KCNMA1: variants seen among roughly 807,000 people sequenced by gnomAD.
The protein encoded by KCNMA1 is potassium calcium-activated channel subfamily M alpha 1.
A neutral mutation model predicts 140.0 loss-of-function variants in KCNMA1; 29 were observed. The ratio of observed to expected loss-of-function variants is 0.21; its 90% CI spans 0.15 to 0.28. The LOEUF is 0.28. KCNMA1 is among the 10% of genes least tolerant of loss of function. The pLI, the probability that KCNMA1 is intolerant of heterozygous loss-of-function variation, is 1.00. For synonymous variants in KCNMA1, 612 were observed against 611.9 expected, an observed-to-expected ratio of 1.00 and a Z score of 0.00; for missense variants, 880 against 1,602.2, an observed-to-expected ratio of 0.55 and a Z score of 7.70.
chr10:77,082,176 A>C (rs573978103), intron 12 of KCNMA1, among the ~76,000 whole-genome samples: 2 of 151,366 alleles, frequency 1.3e-5, no homozygotes, highest in Non-Finnish European at 2.9e-5. Context: ...TTACAGGCAC[A>C]CACCACCACA....
intron 1 of KCNMA1, among the ~76,000 whole-genome samples, chr10:77,461,741 A>G (rs2097872478): frequency 6.6e-6 from 1 of 152,156 alleles, no homozygotes; most frequent in South Asian, 2.1e-4. Context: ...GCATGGGCCC[A>G]GGCACGCTCC....
chr10:76,918,611 T>G (rs1243832392), intron 23 of KCNMA1, among the ~76,000 whole-genome samples: 1 of 152,096 alleles, frequency 6.6e-6, no homozygotes, highest in Non-Finnish European at 1.5e-5. Flanking sequence ...ATGGATGCGG[T>G]GAACAGAGAA....
chr10:77,274,386 T>C (rs1401724248), intron 2 of KCNMA1, among the ~76,000 whole-genome samples: 1 of 152,174 alleles, frequency 6.6e-6, no homozygotes, highest in Admixed American at 6.5e-5. Flanking sequence ...CCTACAGACA[T>C]GTTTATTTAA....
At chr10:77,591,739 T>C (rs2079233576) in intron 1 of KCNMA1, among the ~76,000 whole-genome samples, 1 of 152,222 alleles carries the variant, frequency 6.6e-6, no homozygotes, top group South Asian at 2.1e-4. Context: ...TTTCAGAGCC[T>C]GGATCGCACA....
chr10:77,349,472 A>T (rs1213505945), intron 2 of KCNMA1, among the ~76,000 whole-genome samples: 1 of 152,194 alleles, frequency 6.6e-6, no homozygotes, highest in Non-Finnish European at 1.5e-5. Flanking sequence ...GGGCAAAAGG[A>T]TAATATTACT....
chr10:77,224,048 A>G (rs1178849445), intron 3 of KCNMA1, among the ~76,000 whole-genome samples: 1 of 152,196 alleles, frequency 6.6e-6, no homozygotes, highest in Non-Finnish European at 1.5e-5. Flanking sequence ...GGTGCTGCCC[A>G]TGAGTCAGCC....
chr10:76,999,384 A>C (rs996948170), intron 19 of KCNMA1, among the ~76,000 whole-genome samples: 1 of 152,182 alleles, frequency 6.6e-6, no homozygotes, highest in African/African-American at 2.4e-5. Context: ...GTCTAGGCTA[A>C]GGTTTTAGAG....
At chr10:77,270,295 T>C (rs1289996005) in intron 2 of KCNMA1, among the ~76,000 whole-genome samples, 2 of 152,142 alleles carry the variant, frequency 1.3e-5, no homozygotes, top group African/African-American at 4.8e-5. Flanking sequence ...CACCAATCTC[T>C]ATCCATGTGG....
intron 5 of KCNMA1, among the ~76,000 whole-genome samples, chr10:77,142,835 A>T (rs888837643): frequency 3.3e-5 from 5 of 152,232 alleles, no homozygotes; most frequent in South Asian, 2.1e-4. Flanking sequence ...GAAATGAACA[A>T]ATTCCTTTAA....
chr10:77,152,278 TTGTGTGTGTGTGTG>T (rs72088425), intron 5 of KCNMA1, among the ~76,000 whole-genome samples: 1 of 99,120 alleles, frequency 1.0e-5, no homozygotes, highest in South Asian at 4.0e-4. Flanking sequence ...TTTTTTGCTT[TTGTGTGTGTGTGTG>T]TGTGTGTGTG....
chr10:77,540,400 A>G (rs1432660562), intron 1 of KCNMA1, among the ~76,000 whole-genome samples: 4 of 152,134 alleles, frequency 2.6e-5, no homozygotes, highest in African/African-American at 4.8e-5. Flanking sequence ...AAATGAGCAA[A>G]CTCCTTTGGG....
chr10:76,890,079 C>T (rs1409996301), intron 26 of KCNMA1, among the ~76,000 whole-genome samples: 2 of 152,128 alleles, frequency 1.3e-5, no homozygotes, highest in African/African-American at 2.4e-5. Flanking sequence ...AGGTAAGGAC[C>T]CTGTGAAAAG....
At chr10:77,074,228 C>T (rs556147538) in intron 13 of KCNMA1, among the ~76,000 whole-genome samples, 1 of 152,254 alleles carries the variant, frequency 6.6e-6, no homozygotes, top group African/African-American at 2.4e-5. Flanking sequence ...GTGTGGGTAA[C>T]TAAAACCTCA....
At chr10:77,017,346 C>T (rs974723176) in intron 17 of KCNMA1, among the ~76,000 whole-genome samples, 2 of 152,142 alleles carry the variant, frequency 1.3e-5, no homozygotes, top group African/African-American at 2.4e-5. Context: ...GACAAGGGCA[C>T]AAGCTTCTTC....
At chr10:77,567,658 A>C (rs2068862497) in intron 1 of KCNMA1, among the ~76,000 whole-genome samples, 1 of 152,260 alleles carries the variant, frequency 6.6e-6, no homozygotes, top group South Asian at 2.1e-4. Context: ...CAGTCAAATT[A>C]CACAAGAGGA....
intron 10 of KCNMA1, among the ~76,000 whole-genome samples, chr10:77,089,272 G>A (rs1448728632): frequency 2.6e-5 from 4 of 152,310 alleles, no homozygotes; most frequent in South Asian, 2.1e-4. Context: ...TAGGGAAGCC[G>A]ACCTCAGTGG....
intron 1 of KCNMA1, among the ~76,000 whole-genome samples, chr10:77,609,354 A>C (rs140441288): frequency 1.8e-4 from 28 of 152,364 alleles, no homozygotes; most frequent in Non-Finnish European, 3.4e-4. Context: ...ATAGGAAGAC[A>C]AATACTACGT....
intron 1 of KCNMA1, among the ~76,000 whole-genome samples, chr10:77,574,317 T>C (rs2073165873): frequency 6.6e-6 from 1 of 151,988 alleles, no homozygotes; most frequent in Admixed American, 6.6e-5. Flanking sequence ...ATATAACACA[T>C]AGATATAATA....
intron 5 of KCNMA1, among the ~76,000 whole-genome samples, chr10:77,127,405 C>T (rs1175818164): frequency 1.3e-5 from 2 of 152,140 alleles, no homozygotes; most frequent in Non-Finnish European, 2.9e-5. Flanking sequence ...CCTGTACAGA[C>T]TTCAGCCAGT....
Sources: gnomAD v4.1 joint callset for allele counts (sites outside exome capture counted in the v4.1 genomes callset) on GRCh38, gnomAD v4.1.1 for gene constraint, MANE v1.5 for transcripts, NCBI Gene and HGNC (gene_info 2026-07-23, HGNC 2026-07-21) for gene names.